Variants in FGF14 observed in about 807,000 individuals in gnomAD.
FGF14 encodes the protein fibroblast growth factor 14, also known as fibroblast growth factor homologous factor 4.
In FGF14, 5 loss-of-function variants were observed where a neutral mutation model predicts 25.5. The ratio of observed to expected loss-of-function variants is 0.20; its 90% CI spans 0.10 to 0.41. The LOEUF (loss-of-function observed/expected upper bound fraction) is 0.41. FGF14 is among the 10% of genes least tolerant of loss of function. FGF14 has a pLI of 1.00. For synonymous variants in FGF14, 138 were observed against 118.3 expected, an observed-to-expected ratio of 1.17 and a Z score of -1.08; for missense variants, 222 against 320.1, an observed-to-expected ratio of 0.69 and a Z score of 2.34.
intron 1 of FGF14, among the ~76,000 whole-genome samples, chr13:101,904,307 T>C (rs3918327): frequency 0.27 from 40,604 of 151,898 alleles, 6,908 homozygotes; most frequent in Non-Finnish European, 0.37. Context: ...ATAATACTGA[T>C]GGAAATGTGT....
At chr13:101,742,204 T>C (rs1435413650) in intron 3 of FGF14, among the ~76,000 whole-genome samples, 1 of 152,146 alleles carries the variant, frequency 6.6e-6, no homozygotes, top group Non-Finnish European at 1.5e-5. Context: ...TTAGGACAAA[T>C]ACCTGATGCA....
intron 1 of FGF14, among the ~76,000 whole-genome samples, chr13:102,082,329 T>C (rs2043664234): frequency 6.6e-6 from 1 of 151,644 alleles, no homozygotes; most frequent in Admixed American, 6.6e-5. Flanking sequence ...CTCTAAGCCA[T>C]GTCTTCTCTT....
chr13:101,992,004 C>G (rs752728163), intron 1 of FGF14, among the ~76,000 whole-genome samples: 4 of 152,106 alleles, frequency 2.6e-5, no homozygotes, highest in Non-Finnish European at 4.4e-5. Flanking sequence ...AAGAAAAACA[C>G]CCAATGACAG....
rs201419532 is a variant in FGF14 at position 101,985,082 on chromosome 13, T to G, written c.209-109786A>C. On this transcript the variant is annotated intron_variant, in intron 1 of 4. Coordinates refer to the FGF14 transcript ENST00000376131. ...ATGAATTCAAGGGTTTTTTTTTTGTTTTTTTTTTTTTTGCCACAACAGCAA... is the reference window on the plus strand; with the variant it reads ...ATGAATTCAAGGGTTTTTTTTTTGTGTTTTTTTTTTTTGCCACAACAGCAA... Among the ~76,000 whole-genome samples the G allele has an allele frequency of 4.6e-3, 207 of 45,364 alleles. 1 individual carries two copies. The highest frequency in any genetic ancestry group is 0.04 in the African/African-American group (151 of 3,792). 29.8% of individuals were successfully genotyped at this position (45,364 alleles called of 152,430 possible). A position where few individuals can be genotyped will look rare whatever the true frequency, so the allele number is the denominator to read the frequency against.
chr13:102,103,926 G>A (rs2044780481), intron 1 of FGF14, among the ~76,000 whole-genome samples: 1 of 152,134 alleles, frequency 6.6e-6, no homozygotes, highest in Non-Finnish European at 1.5e-5. Flanking sequence ...AGAGGCTGAG[G>A]CTCAGTCTTA....
At chr13:102,079,262 T>G (rs1341181087) in intron 1 of FGF14, among the ~76,000 whole-genome samples, 1 of 152,118 alleles carries the variant, frequency 6.6e-6, no homozygotes, top group Non-Finnish European at 1.5e-5. Context: ...TTAATGCCCT[T>G]CAAAAATCCA....
intron 1 of FGF14, among the ~76,000 whole-genome samples, chr13:102,028,077 C>A (rs540723308): frequency 6.6e-6 from 1 of 152,044 alleles, no homozygotes; most frequent in Non-Finnish European, 1.5e-5. Context: ...CAACACAACT[C>A]TGCCAACTGT....
chr13:102,091,705 GT>G (rs1049263228), intron 1 of FGF14, among the ~76,000 whole-genome samples: 3 of 152,194 alleles, frequency 2.0e-5, no homozygotes, highest in South Asian at 4.2e-4. Context: ...TTCCCTCGAA[GT>G]TTTTTGTTTT....
chr13:102,002,061 C>T (rs2039527486), intron 1 of FGF14: 1 of 152,138 alleles, frequency 6.6e-6, no homozygotes, highest in Non-Finnish European at 1.5e-5. Flanking sequence ...AAATATAAAA[C>T]CTGTGGATGC....
intron 1 of FGF14, among the ~76,000 whole-genome samples, chr13:102,339,850 C>G (rs530550864): frequency 6.6e-6 from 1 of 152,182 alleles, no homozygotes; most frequent in Admixed American, 6.5e-5. Flanking sequence ...GCATGGGCTA[C>G]GTAAACTCAC....
In FGF14 at chr13:102,400,351, A is replaced by G. The variant is rs1158194084; in HGVS notation, c.208+1120T>C. On this transcript the variant is annotated intron_variant, in intron 1 of 4. Coordinates refer to the FGF14 transcript ENST00000376131. This position sits in a 1 kb window ranked among gnomAD's most constrained non-coding sequence, Gnocchi z 4.3. ...CTGCCCGCTCCCTCCTTCAGACACA[A>G]CCCCAGACAAAAACAGCCGGCCCCG... Among the ~76,000 whole-genome samples, 1 of 151,946 alleles carries G rather than the reference A, an allele frequency of 6.6e-6. No homozygotes were observed. Among genetic ancestry groups the G allele is most frequent in the Non-Finnish European group, 1.5e-5 (1 of 67,982 alleles).
In FGF14 at chr13:102,083,670, C is replaced by T. The variant is rs1212148250; in HGVS notation, c.209-208374G>A. ...TCAGGCTGAACCAATGTATACCTTT[C>T]ATGTATCGATTTATGATTTTACCTG... On this transcript the variant is annotated intron_variant, in intron 1 of 4. Transcript: ENST00000376131. Among the ~76,000 whole-genome samples the T allele has an allele frequency of 2.0e-5, 3 of 152,212 alleles. 1 individual carries two copies. The highest frequency in any genetic ancestry group is 4.1e-4 in the South Asian group (2 of 4,836).
chr13:102,025,843 A>C (rs773215306), intron 1 of FGF14, among the ~76,000 whole-genome samples: 1 of 152,000 alleles, frequency 6.6e-6, no homozygotes, highest in Non-Finnish European at 1.5e-5. Flanking sequence ...TTCTATATTG[A>C]GCTTGTAGCC....
At chr13:101,936,292 T>C (rs1348567349) in intron 1 of FGF14, among the ~76,000 whole-genome samples, 1 of 152,154 alleles carries the variant, frequency 6.6e-6, no homozygotes, top group Admixed American at 6.5e-5. Context: ...ATTTCACAGT[T>C]GATTTATTAG....
At chr13:102,037,135 T>C (rs2041515518) in intron 1 of FGF14, among the ~76,000 whole-genome samples, 1 of 152,150 alleles carries the variant, frequency 6.6e-6, no homozygotes, top group East Asian at 1.9e-4. Flanking sequence ...AGACTATAAC[T>C]CTTAACTAGA....
intron 3 of FGF14, among the ~76,000 whole-genome samples, chr13:101,782,456 T>TG: frequency 1.3e-5 from 2 of 152,304 alleles, no homozygotes; most frequent in African/African-American, 4.8e-5. Flanking sequence ...TCATGGGGAT[T>TG]TGTTGCACGG....
chr13:101,982,951 T>C lies in FGF14; in HGVS notation c.209-107655A>G, dbSNP rs141850674. Among the ~76,000 whole-genome samples the C allele has an allele frequency of 1.4e-3, 210 of 152,288 alleles. 1 individual carries two copies. The highest frequency in any genetic ancestry group is 4.9e-3 in the African/African-American group (202 of 41,564). The stretch of plus-strand genomic sequence containing the variant: ...GGTATACATGAAAAGCTTGGGTACA[T>C]TAATGCTATACAGAAGCTCCTTTAG... On this transcript the variant is annotated intron_variant, in intron 1 of 4. Transcript: ENST00000376131.
At chr13:101,859,547 T>C (rs1258566733) in intron 3 of FGF14, among the ~76,000 whole-genome samples, 4 of 152,172 alleles carry the variant, frequency 2.6e-5, no homozygotes, top group African/African-American at 9.7e-5. Flanking sequence ...ATATACACTT[T>C]GATACCAAGA....
At chr13:102,020,615 C>A (rs2040593053) in intron 1 of FGF14, among the ~76,000 whole-genome samples, 1 of 151,982 alleles carries the variant, frequency 6.6e-6, no homozygotes, top group Non-Finnish European at 1.5e-5. Flanking sequence ...AAATGTCAGA[C>A]AAAGAGTGGA....
Sources: allele counts gnomAD v4.1 joint callset (sites outside exome capture counted in the v4.1 genomes callset), GRCh38; gene constraint gnomAD v4.1.1; non-coding constraint Gnocchi (gnomAD v3.1); transcripts MANE v1.5; gene names NCBI Gene and HGNC (gene_info 2026-07-23, HGNC 2026-07-21).